Variants in PARP8 observed in about 807,000 individuals in gnomAD.
The protein encoded by PARP8 is protein mono-ADP-ribosyltransferase PARP8.
A neutral mutation model predicts 124.1 loss-of-function variants in PARP8; 51 were observed. The observed-to-expected ratio is 0.41, with a 90% CI of 0.33 to 0.52. PARP8 has a LOEUF of 0.52. PARP8 is among the 20% of genes least tolerant of loss of function. The pLI, the probability that PARP8 is intolerant of heterozygous loss-of-function variation, is 0.21. For missense variants in PARP8, 860 were observed against 1,018.9 expected, an observed-to-expected ratio of 0.84 and a Z score of 2.12; for synonymous variants, 391 against 361.5, an observed-to-expected ratio of 1.08 and a Z score of -0.93.
At chr5:50,781,460 A>C (rs1740663327) in intron 9 of PARP8, among the ~76,000 whole-genome samples, 1 of 152,170 alleles carries the variant, frequency 6.6e-6, no homozygotes, top group South Asian at 2.1e-4. Flanking sequence ...CAGTTCTCCC[A>C]TTAAGAAGAG....
intron 10 of PARP8, among the ~76,000 whole-genome samples, chr5:50,793,629 A>G (rs1742204486): frequency 6.6e-6 from 1 of 152,212 alleles, no homozygotes; most frequent in African/African-American, 2.4e-5. Context: ...GCTGTGTTGA[A>G]GATATAATTT....
At chr5:50,683,858 A>C (rs572343790) in intron 2 of PARP8, among the ~76,000 whole-genome samples, 1 of 152,362 alleles carries the variant, frequency 6.6e-6, no homozygotes, top group Non-Finnish European at 1.5e-5. Context: ...GTGAAAATAT[A>C]GCTAAGTAGA....
At chr5:50,735,990 A>C (rs1757440633) in intron 2 of PARP8, among the ~76,000 whole-genome samples, 1 of 127,168 alleles carries the variant, frequency 7.9e-6, no homozygotes, top group Non-Finnish European at 1.6e-5. Context: ...ATGTATTCTC[A>C]TTTGAAGGAT....
chr5:50,681,630 T>G (rs1751303062), intron 2 of PARP8, among the ~76,000 whole-genome samples: 1 of 152,148 alleles, frequency 6.6e-6, no homozygotes, highest in Admixed American at 6.5e-5. Flanking sequence ...CAAAATAAAA[T>G]GAAAGTCCTC....
At chr5:50,722,745 A>G (rs1021060724) in intron 2 of PARP8, among the ~76,000 whole-genome samples, 8 of 152,090 alleles carry the variant, frequency 5.3e-5, no homozygotes, top group Non-Finnish European at 1.0e-4. Context: ...TGTGGATGTT[A>G]TATGTGCTTA....
At chr5:50,715,219 T>G (rs1272063326) in intron 2 of PARP8, among the ~76,000 whole-genome samples, 1 of 152,028 alleles carries the variant, frequency 6.6e-6, no homozygotes, top group Non-Finnish European at 1.5e-5. Context: ...TCTCACATGG[T>G]CTTTATGAAA....
intron 1 of PARP8, chr5:50,667,834 T>C: frequency 2.4e-6 from 3 of 1,246,086 alleles, no homozygotes; most frequent in Non-Finnish European, 3.4e-6. Flanking sequence ...TATCGGGAAA[T>C]TCCCGCTGTT....
At position 50,818,884 on chromosome 5, in the gene PARP8, T is replaced by C. The variant is rs780033931; in HGVS notation, c.1669-2329T>C. On this transcript the variant is annotated intron_variant, in intron 15 of 25. Transcript: ENST00000281631. ...CACACACTCCAATTAGAATGTTTGA[T>C]GGGCCACTTTCTGTGTGGTGACCGG... is the stretch of plus-strand genomic sequence containing the variant. Among the ~76,000 whole-genome samples, 63 of 152,338 alleles carry C rather than the reference T, an allele frequency of 4.1e-4. 2 individuals are homozygous for C. Among genetic ancestry groups the C allele is most frequent in the South Asian group, 2.1e-4 (1 of 4,828 alleles).
At chr5:50,720,190 T>C (rs1016480811) in intron 2 of PARP8, among the ~76,000 whole-genome samples, 5 of 152,084 alleles carry the variant, frequency 3.3e-5, no homozygotes, top group African/African-American at 1.2e-4. Flanking sequence ...AGACATTTGA[T>C]TTATCACTGT....
chr5:50,777,878 A>G (rs1006708962), intron 7 of PARP8, among the ~76,000 whole-genome samples, 191 bp from the exon 8 acceptor site: 2 of 152,218 alleles, frequency 1.3e-5, no homozygotes, highest in African/African-American at 4.8e-5. Flanking sequence ...AAAGATATCA[A>G]TGTGGTATAA....
At chr5:50,730,607 G>A (rs1217850046) in intron 2 of PARP8, among the ~76,000 whole-genome samples, 2 of 152,122 alleles carry the variant, frequency 1.3e-5, no homozygotes, top group Non-Finnish European at 2.9e-5. Flanking sequence ...TGCGGACACA[G>A]CCAAACCATT....
intron 2 of PARP8, among the ~76,000 whole-genome samples, chr5:50,686,232 C>G (rs765596686): frequency 9.9e-5 from 15 of 152,200 alleles, no homozygotes; most frequent in Non-Finnish European, 2.1e-4. Context: ...TTGGCCAAAA[C>G]AGAGGGGCTA....
chr5:50,691,492 A>G (rs1439003981), intron 2 of PARP8, among the ~76,000 whole-genome samples: 3 of 152,126 alleles, frequency 2.0e-5, no homozygotes, highest in African/African-American at 7.2e-5. Context: ...GGCCCCTTTT[A>G]TAGAACTCCA....
chr5:50,700,200 G>A (rs1341916341), intron 2 of PARP8, among the ~76,000 whole-genome samples: 6 of 152,146 alleles, frequency 3.9e-5, no homozygotes, highest in Non-Finnish European at 7.4e-5. Context: ...AAAAGTAATT[G>A]CACTGGTTTA....
At chr5:50,831,187 A>G (rs1287319867) in intron 22 of PARP8, among the ~76,000 whole-genome samples, 3 of 152,230 alleles carry the variant, frequency 2.0e-5, no homozygotes, top group Non-Finnish European at 4.4e-5. Context: ...AATTAGAAAT[A>G]TATGAAAAAT....
intron 2 of PARP8, among the ~76,000 whole-genome samples, chr5:50,684,473 G>A (rs1751634548): frequency 1.3e-5 from 2 of 151,750 alleles, no homozygotes; most frequent in African/African-American, 2.4e-5. Flanking sequence ...ATGCTGGATT[G>A]AGAATAATGT....
chr5:50,702,226 TAA>T (rs1415960263), intron 2 of PARP8, among the ~76,000 whole-genome samples: 1 of 152,078 alleles, frequency 6.6e-6, no homozygotes, highest in Non-Finnish European at 1.5e-5. Flanking sequence ...GACAATAAAT[TAA>T]GTTTTTTTTA....
At chr5:50,672,539 T>A (rs1750147019) in intron 2 of PARP8, among the ~76,000 whole-genome samples, 1 of 152,214 alleles carries the variant, frequency 6.6e-6, no homozygotes, top group Non-Finnish European at 1.5e-5. Context: ...CCTAGTCAAG[T>A]TATAAGTCCA....
rs143484218 is a variant in PARP8 at position 50,772,966 on chromosome 5, G to A, written c.519-5103G>A. Among the ~76,000 whole-genome samples the A allele has an allele frequency of 7.7e-4, 117 of 152,270 alleles. 3 individuals are homozygous for A. The highest frequency in any genetic ancestry group is 2.6e-3 in the African/African-American group (108 of 41,550). On this transcript the variant is annotated intron_variant, in intron 7 of 25. Transcript: ENST00000281631. ...GCCCAGCTTGGCCTCCCAAAATGCTGGGATTACAGGCATGAGCCACCACAC... is the reference window on the plus strand; with the variant it reads ...GCCCAGCTTGGCCTCCCAAAATGCTAGGATTACAGGCATGAGCCACCACAC...
Sources: allele counts gnomAD v4.1 joint callset (sites outside exome capture counted in the v4.1 genomes callset), GRCh38; gene constraint gnomAD v4.1.1; transcripts MANE v1.5; gene names NCBI Gene and HGNC (gene_info 2026-07-23, HGNC 2026-07-21).